The following KCTD16 variants were observed in gnomAD, a reference collection of about 807,000 sequenced individuals.
KCTD16 encodes BTB/POZ domain-containing protein KCTD16.
A neutral mutation model predicts 33.2 loss-of-function variants in KCTD16; 13 were observed. The ratio of observed to expected loss-of-function variants is 0.39; its 90% CI spans 0.25 to 0.62. KCTD16 has a LOEUF of 0.62. Ranked by LOEUF, KCTD16 falls within the 20% of genes least tolerant of loss-of-function variation. The pLI, the probability that KCTD16 is intolerant of heterozygous loss-of-function variation, is 0.50. For synonymous variants in KCTD16, 197 were observed against 195.3 expected, an observed-to-expected ratio of 1.01 and a Z score of -0.07; for missense variants, 441 against 525.1, an observed-to-expected ratio of 0.84 and a Z score of 1.57.
intron 3 of KCTD16, among the ~76,000 whole-genome samples, chr5:144,361,374 C>T (rs1017359232): frequency 6.6e-6 from 1 of 152,000 alleles, no homozygotes; most frequent in African/African-American, 2.4e-5. Flanking sequence ...AATATTTAAC[C>T]TCTTGTGGTC....
chr5:144,432,637 A>ATGTGTGTG (rs71576198), intron 3 of KCTD16, among the ~76,000 whole-genome samples: 1 of 150,962 alleles, frequency 6.6e-6, no homozygotes, highest in African/African-American at 2.4e-5. Flanking sequence ...ATAACACTAA[A>ATGTGTGTG]TGTGTGTGTG....
At chr5:144,209,025 TTATC>T (rs1199791925) in intron 3 of KCTD16, among the ~76,000 whole-genome samples, 2 of 152,186 alleles carry the variant, frequency 1.3e-5, no homozygotes, top group Admixed American at 6.5e-5. Flanking sequence ...GAATATGACA[TTATC>T]TATAATTCTG....
At chr5:144,321,471 T>C (rs538848291) in intron 3 of KCTD16, among the ~76,000 whole-genome samples, 1 of 152,292 alleles carries the variant, frequency 6.6e-6, no homozygotes, top group Admixed American at 6.5e-5. Context: ...TGAGGCATGA[T>C]ACAGTGAAGT....
chr5:144,396,877 GT>G (rs1247750705), intron 3 of KCTD16, among the ~76,000 whole-genome samples: 2 of 148,414 alleles, frequency 1.3e-5, no homozygotes, highest in African/African-American at 5.0e-5. Context: ...TATTATTTAT[GT>G]ATTGTTTTAG....
chr5:144,451,825 T>A (rs926851960), intron 3 of KCTD16, among the ~76,000 whole-genome samples: 1 of 152,158 alleles, frequency 6.6e-6, no homozygotes, highest in African/African-American at 2.4e-5. Context: ...TTCAATGCCC[T>A]GGCTCAGAAG....
At chr5:144,390,499 A>G (rs1580925211) in intron 3 of KCTD16, among the ~76,000 whole-genome samples, 1 of 150,898 alleles carries the variant, frequency 6.6e-6, no homozygotes, top group Non-Finnish European at 1.5e-5. Flanking sequence ...CAGGAGAGGA[A>G]CTCAAACTGG....
chr5:144,405,555 C>A (rs1189668140), intron 3 of KCTD16, among the ~76,000 whole-genome samples: 1 of 152,142 alleles, frequency 6.6e-6, no homozygotes, highest in African/African-American at 2.4e-5. Context: ...CTTTAGACCC[C>A]TGTCTTAGTT....
intron 3 of KCTD16, among the ~76,000 whole-genome samples, chr5:144,308,231 CCCACT>C (rs1751660193): frequency 6.6e-6 from 1 of 152,196 alleles, no homozygotes. Context: ...GTCATAGCAG[CCCACT>C]CCTGTTAGTA....
At chr5:144,269,863 A>G (rs1755246956) in intron 3 of KCTD16, among the ~76,000 whole-genome samples, 2 of 152,228 alleles carry the variant, frequency 1.3e-5, no homozygotes, top group South Asian at 4.2e-4. Flanking sequence ...ACAGAGTTGT[A>G]AAAGAGCATA....
At chr5:144,208,971 A>G (rs1055151884) in intron 3 of KCTD16, among the ~76,000 whole-genome samples, 1 of 152,166 alleles carries the variant, frequency 6.6e-6, no homozygotes, top group African/African-American at 2.4e-5. Context: ...TAAATTTCCC[A>G]CTAGTGTAGA....
intron 3 of KCTD16, among the ~76,000 whole-genome samples, chr5:144,411,175 G>GA (rs545386324): frequency 1.3e-5 from 2 of 152,042 alleles, no homozygotes; most frequent in African/African-American, 4.8e-5. Flanking sequence ...CACAGAATTA[G>GA]AAAAAAAGTC....
chr5:144,287,342 G>A (rs1048553855), intron 3 of KCTD16, among the ~76,000 whole-genome samples: 2 of 95,930 alleles, frequency 2.1e-5, no homozygotes, highest in African/African-American at 6.0e-5. Context: ...AAATGCTGCT[G>A]TGGATTTCAG....
At chr5:144,297,222 T>G (rs1756064114) in intron 3 of KCTD16, among the ~76,000 whole-genome samples, 1 of 152,262 alleles carries the variant, frequency 6.6e-6, no homozygotes, top group Admixed American at 6.5e-5. Context: ...CTTTTCTTGC[T>G]GTAGGAAAAG....
chr5:144,358,693 G>A (rs978934108), intron 3 of KCTD16, among the ~76,000 whole-genome samples: 1 of 152,176 alleles, frequency 6.6e-6, no homozygotes, highest in South Asian at 2.1e-4. Context: ...CACAGTTTGG[G>A]AGGATGGGAA....
intron 3 of KCTD16, among the ~76,000 whole-genome samples, chr5:144,228,731 G>C (rs1754008841): frequency 6.6e-6 from 1 of 152,224 alleles, no homozygotes; most frequent in Admixed American, 6.5e-5. Context: ...CCTTGGATAA[G>C]TAAGAAGGAA....
chr5:144,393,081 G>C (rs954228455), intron 3 of KCTD16, among the ~76,000 whole-genome samples: 11 of 152,110 alleles, frequency 7.2e-5, no homozygotes, highest in Admixed American at 5.9e-4. Context: ...ATACTATGAT[G>C]AATGATAGTA....
intron 3 of KCTD16, among the ~76,000 whole-genome samples, chr5:144,373,017 G>A (rs1017656728): frequency 6.6e-6 from 1 of 152,162 alleles, no homozygotes; most frequent in Non-Finnish European, 1.5e-5. Flanking sequence ...GAGGACAAGG[G>A]ACAGATTTAA....
At chr5:144,188,967 G>C (rs1291861236) in intron 2 of KCTD16, among the ~76,000 whole-genome samples, 1 of 152,138 alleles carries the variant, frequency 6.6e-6, no homozygotes, top group Non-Finnish European at 1.5e-5. Flanking sequence ...GTCATGGTAA[G>C]GCCTTATATT....
At chr5:144,278,626 T>C (rs1322420475) in intron 3 of KCTD16, among the ~76,000 whole-genome samples, 4 of 151,100 alleles carry the variant, frequency 2.6e-5, no homozygotes, top group African/African-American at 9.7e-5. Flanking sequence ...GCCTCCCGAG[T>C]AGCTGGGACT....
Sources: allele counts gnomAD v4.1 joint callset (sites outside exome capture counted in the v4.1 genomes callset), GRCh38; gene constraint gnomAD v4.1.1; transcripts MANE v1.5; gene names NCBI Gene and HGNC (gene_info 2026-07-23, HGNC 2026-07-21).